ARHGAP21: variants seen among roughly 807,000 people sequenced by gnomAD.
ARHGAP21 encodes the protein Rho GTPase activating protein 21.
Under a neutral mutation model 164.6 loss-of-function variants are expected in ARHGAP21, and 38 were observed. The observed-to-expected ratio is 0.23, with a 90% CI of 0.18 to 0.30. ARHGAP21 has a LOEUF of 0.30. ARHGAP21 is among the 10% of genes least tolerant of loss of function. The probability of loss-of-function intolerance (pLI) is 1.00; values close to 1 mark genes in which losing one functional copy is unlikely to be tolerated. For missense variants in ARHGAP21, 1,822 were observed against 2,370.7 expected, an observed-to-expected ratio of 0.77 and a Z score of 4.81; for synonymous variants, 766 against 857.9, an observed-to-expected ratio of 0.89 and a Z score of 1.87.
intron 4 of ARHGAP21, chr10:24,648,797 A>AG: frequency 1.0e-6 from 1 of 981,680 alleles, no homozygotes; most frequent in African/African-American, 1.8e-5. Flanking sequence ...AAAAAAAAAA[A>AG]TCATCATAGG....
At chr10:24,603,713 A>G (rs891483745) in intron 12 of ARHGAP21, among the ~76,000 whole-genome samples, 9 of 152,052 alleles carry the variant, frequency 5.9e-5, no homozygotes, top group Admixed American at 5.2e-4. Flanking sequence ...AAGGCAGGGG[A>G]CTGGCTGGGG....
intron 2 of ARHGAP21, among the ~76,000 whole-genome samples, chr10:24,678,279 CGTT>C (rs1841462360): frequency 6.6e-6 from 1 of 152,170 alleles, no homozygotes; most frequent in African/African-American, 2.4e-5. Context: ...TACCTGTACT[CGTT>C]GTGTGTTTAG....
rs1450733732 is a variant in ARHGAP21, at chr10:24,620,972, T to C, written c.923A>G (p.Gln308Arg). The C allele has an allele frequency of 6.2e-7, 1 of 1,613,900 alleles. No homozygotes were observed. Among genetic ancestry groups the C allele is most frequent in the Non-Finnish European group, 8.5e-7 (1 of 1,179,884 alleles). Reference protein sequence around the residue: ...TEEVRYGVSEQTSLKTVSRTT... With the variant: ...TEEVRYGVSERTSLKTVSRTT... ...TCTTGACACTGTTTTTAAAGAGGTC[T>C]GCTCACTCACGCCATACCTCACTTC... is the stretch of plus-strand genomic sequence containing the variant. Residue 308 changes from glutamine to arginine, a missense_variant, in exon 9 of 26, where the codon CAG (glutamine) becomes CGG (arginine). Transcript: ENST00000396432.
intron 7 of ARHGAP21, chr10:24,628,952 C>CA: frequency 7.3e-5 from 1 of 13,764 alleles, no homozygotes; most frequent in African/African-American, 3.9e-4. Flanking sequence ...CACACACACA[C>CA]TATATATATA....
chr10:24,603,816 G>A (rs959433303), intron 12 of ARHGAP21, among the ~76,000 whole-genome samples: 7 of 152,088 alleles, frequency 4.6e-5, no homozygotes, highest in African/African-American at 1.4e-4. Flanking sequence ...TGGCCAACAT[G>A]GCAAAACCCC....
intron 4 of ARHGAP21, among the ~76,000 whole-genome samples, chr10:24,638,701 T>G (rs886739029): frequency 6.6e-6 from 1 of 152,216 alleles, no homozygotes. Flanking sequence ...GTTAAATACC[T>G]TATTCAAATA....
At position 24,698,213 on chromosome 10, in the gene ARHGAP21, C is replaced by T. The variant is rs74122845; in HGVS notation, c.63+23624G>A. On this transcript the variant is annotated intron_variant, in intron 2 of 25. Transcript: ENST00000396432. ...TGGTACAACACAGGAGTCAAAATTTCATTTCTCAAATATATAGTACTATGT... is the reference window on the plus strand; with the variant it reads ...TGGTACAACACAGGAGTCAAAATTTTATTTCTCAAATATATAGTACTATGT... Among the ~76,000 whole-genome samples the T allele has an allele frequency of 6.1e-3, 932 of 152,242 alleles. 11 individuals are homozygous for T. Among genetic ancestry groups the T allele is most frequent in the African/African-American group, 0.021 (867 of 41,546 alleles).
At chr10:24,709,871 C>A (rs10828690) in intron 2 of ARHGAP21, among the ~76,000 whole-genome samples, 79,650 of 151,938 alleles carry the variant, frequency 0.52, 20,972 homozygotes, top group Middle Eastern at 0.58. Context: ...TGAATCCAAC[C>A]GTACTGCAAG....
intron 4 of ARHGAP21, among the ~76,000 whole-genome samples, chr10:24,666,438 A>G (rs1840208099): frequency 6.6e-6 from 1 of 152,240 alleles, no homozygotes; most frequent in Non-Finnish European, 1.5e-5. Flanking sequence ...TCTAGAAATA[A>G]AAGTTTTTAA....
chr10:24,591,459 G>A lies in ARHGAP21; in HGVS notation c.4045-129C>T, dbSNP rs144555941. The stretch of plus-strand genomic sequence containing the variant: ...TGCTTAATGTGTTTACATTGTTTAC[G>A]CATAATTAACTGCAAAATAAGCACC... On this transcript the variant is annotated intron_variant, in intron 23 of 25. Transcript: ENST00000396432. 1.2e-4 allele frequency: 128 copies of A among 1,094,122 alleles called. No individual in the cohort carries two copies. The East Asian group carries it at 2.3e-3, about 20-fold the overall frequency. 67.8% of individuals were successfully genotyped at this position (1,094,122 alleles called of 1,614,324 possible).
intron 7 of ARHGAP21, among the ~76,000 whole-genome samples, chr10:24,623,628 T>C (rs1834791459): frequency 1.3e-5 from 2 of 152,224 alleles, no homozygotes; most frequent in Non-Finnish European, 2.9e-5. Context: ...GATGAGAGAA[T>C]ACTGTACTGT....
At chr10:24,586,680 C>A (rs1293101753) in intron 25 of ARHGAP21, among the ~76,000 whole-genome samples, 1 of 152,192 alleles carries the variant, frequency 6.6e-6, no homozygotes. Flanking sequence ...CAGGCAGGAT[C>A]TTCAAGGATC....
intron 4 of ARHGAP21, among the ~76,000 whole-genome samples, chr10:24,662,118 G>A (rs144341558): frequency 6.6e-6 from 1 of 152,332 alleles, no homozygotes; most frequent in East Asian, 1.9e-4. Flanking sequence ...CTCCTGCAAA[G>A]TGTTCACAGC....
At chr10:24,627,367 A>T (rs1260070156) in intron 7 of ARHGAP21, among the ~76,000 whole-genome samples, 2 of 152,234 alleles carry the variant, frequency 1.3e-5, no homozygotes, top group South Asian at 4.1e-4. Context: ...TCTGAAGTAC[A>T]TTAAAGAACA....
chr10:24,597,831 C>G, intron 15 of ARHGAP21, 114 bp downstream of exon 15: 2 of 1,202,658 alleles, frequency 1.7e-6, no homozygotes, highest in Non-Finnish European at 2.4e-6. Flanking sequence ...GGATTTGGTA[C>G]TATCTGCGGT....
Position 24,688,512 on chromosome 10 carries a change from G to A in ARHGAP21, c.64-18115C>T, listed in dbSNP as rs546604595. Among the ~76,000 whole-genome samples the A allele has an allele frequency of 1.2e-3, 177 of 152,266 alleles. 1 individual carries two copies. The highest frequency in any genetic ancestry group is 1.0e-3 in the Non-Finnish European group (71 of 68,020). ...TTGGTGATCCAAACTATGCATTAGG[G>A]TCCAAATTAAGGCAGGACAGACCAG... On this transcript the variant is annotated intron_variant, in intron 2 of 25. Coordinates refer to ENST00000396432, the MANE Select transcript of ARHGAP21 (RefSeq NM_020824.4).
chr10:24,710,227 T>C (rs535166611), intron 2 of ARHGAP21, among the ~76,000 whole-genome samples: 1 of 152,290 alleles, frequency 6.6e-6, no homozygotes, highest in East Asian at 1.9e-4. Context: ...ATATGTAGAA[T>C]CTCTAGATAG....
rs1437208309 is a variant in ARHGAP21 at position 24,621,246 on chromosome 10, G to A, written c.649C>T (p.Pro217Ser). Reference sequence around the variant, plus strand: ...GAGTCAGGAGGAGATATTTCAACTGGCTGTGCCATGGCTGATGGGGCAGAT... The same window carrying A: ...GAGTCAGGAGGAGATATTTCAACTGACTGTGCCATGGCTGATGGGGCAGAT... Reference protein sequence around the residue: ...LPSAPSAMAQPVEISPPDSSL... With the variant: ...LPSAPSAMAQSVEISPPDSSL... Residue 217 changes from proline (P) to serine (S), a missense_variant, in exon 9 of 26, where the codon CCA (proline) becomes TCA (serine). By Grantham distance (74) the Pro-to-Ser change is moderately conservative. Around this residue, in one of 5 missense-constraint regions of ARHGAP21, gnomAD observed 1,090 missense variants for 1,378.9 expected, o/e 0.79. Transcript: ENST00000396432. The A allele has an allele frequency of 1.2e-6, 2 of 1,613,782 alleles. No homozygotes were observed. Among genetic ancestry groups the A allele is most frequent in the African/African-American group, 2.7e-5 (2 of 74,894 alleles).
intron 4 of ARHGAP21, among the ~76,000 whole-genome samples, chr10:24,658,127 A>G (rs368457111): frequency 1.3e-5 from 2 of 152,320 alleles, no homozygotes; most frequent in East Asian, 1.9e-4. Context: ...GCAATGAGAT[A>G]CCATCTCACA....
Sources: allele counts gnomAD v4.1 joint callset (sites outside exome capture counted in the v4.1 genomes callset), GRCh38; gene constraint gnomAD v4.1.1; regional missense constraint gnomAD v4.1.1; transcripts MANE v1.5; gene names NCBI Gene and HGNC (gene_info 2026-07-23, HGNC 2026-07-21).